The following C17orf114 variants were observed in gnomAD, a reference collection of about 807,000 sequenced individuals.
C17orf114 encodes the protein uncharacterized protein C17orf114.
chr17:4,802,814 T>C (rs72833202), upstream of C17orf114, among the ~76,000 whole-genome samples: 15,637 of 152,284 alleles, frequency 0.1, 977 homozygotes, highest in Non-Finnish European at 0.14. Context: ...AATGGTCTGA[T>C]AGTTCCTGTC....
intron 1 of C17orf114, among the ~76,000 whole-genome samples, 160 bp downstream of exon 1, chr17:4,802,087 A>G (rs1905527279): frequency 6.6e-6 from 1 of 152,128 alleles, no homozygotes; most frequent in East Asian, 1.9e-4. Context: ...GGGCCCTACA[A>G]AGTATTTAGC....
upstream of C17orf114, among the ~76,000 whole-genome samples, chr17:4,804,689 C>G (rs1905598337): frequency 6.6e-6 from 1 of 151,046 alleles, no homozygotes; most frequent in African/African-American, 2.4e-5. Context: ...ATTTCTGACT[C>G]CCTGGTTCAA....
At chr17:4,803,293 C>T (rs1226749684), upstream of C17orf114, among the ~76,000 whole-genome samples, 1 of 151,630 alleles carries the variant, frequency 6.6e-6, no homozygotes, top group Non-Finnish European at 1.5e-5. Flanking sequence ...AAAAAGCAGG[C>T]ACTGAGAGGT....
upstream of C17orf114, chr17:4,806,782 G>C (rs1320971807): frequency 6.6e-6 from 1 of 151,184 alleles, no homozygotes; most frequent in South Asian, 2.1e-4. Context: ...CGTCCCCCGG[G>C]CGCCGAGGCA....
upstream of C17orf114, among the ~76,000 whole-genome samples, chr17:4,805,413 ACT>A (rs1236659119): frequency 6.8e-6 from 1 of 146,118 alleles, no homozygotes; most frequent in East Asian, 2.0e-4. Context: ...TAACAGCGAA[ACT>A]CTGTCTCAAA....
At chr17:4,804,286 C>G (rs1469741488), upstream of C17orf114, among the ~76,000 whole-genome samples, 3 of 150,642 alleles carry the variant, frequency 2.0e-5, no homozygotes, top group Non-Finnish European at 3.0e-5. Flanking sequence ...CTCACTGCAA[C>G]CTCCGCCTCC....
exon 2 of C17orf114, chr17:4,801,428 G>A: frequency 2.5e-6 from 1 of 398,840 alleles, no homozygotes; most frequent in Non-Finnish European, 4.4e-6. Context: ...AGCTGGACTG[G>A]GATCTGGAGG....
chr17:4,802,268 G>A (rs886536428), exon 1 of C17orf114: 19 of 399,682 alleles, frequency 4.8e-5, no homozygotes, highest in African/African-American at 3.3e-4. Flanking sequence ...TCAGTCCCCC[G>A]CTGCCTCCGG....
At chr17:4,803,416 ATTTTTTTTTT>A (rs34116712), upstream of C17orf114, among the ~76,000 whole-genome samples, 312 of 75,474 alleles carry the variant, frequency 4.1e-3, no homozygotes, top group Middle Eastern at 0.038. Context: ...GTTTTTTTTA[ATTTTTTTTTT>A]TTTTTTTTTT....
exon 2 of C17orf114, chr17:4,801,210 T>G: frequency 2.5e-6 from 1 of 398,172 alleles, no homozygotes; most frequent in Non-Finnish European, 4.4e-6. Context: ...CTTGGGGAGG[T>G]GGACATTAGG....
At chr17:4,806,964 G>GCAGGGCA (rs1489789980), upstream of C17orf114, 1 of 150,320 alleles carries the variant, frequency 6.7e-6, no homozygotes, top group East Asian at 1.9e-4. Flanking sequence ...CCGCGGCCCT[G>GCAGGGCA]CAGGGCACAG....
At chr17:4,802,491 G>T (rs1242867473), upstream of C17orf114, among the ~76,000 whole-genome samples, 1 of 152,184 alleles carries the variant, frequency 6.6e-6, no homozygotes, top group Admixed American at 6.5e-5. Context: ...AAGGGGTGGG[G>T]GTACACTCCC....
chr17:4,803,869 C>T (rs900988290), upstream of C17orf114, among the ~76,000 whole-genome samples: 4 of 151,886 alleles, frequency 2.6e-5, no homozygotes, highest in Admixed American at 6.6e-5. Context: ...TTACAGGCAC[C>T]CGCCACCATC....
rs928228989 is a variant in C17orf114 at position 4,801,788 on chromosome 17, T to A, written c.74-333A>T. Among the ~76,000 whole-genome samples, 24 of 151,912 alleles carry A rather than the reference T, an allele frequency of 1.6e-4. 1 individual carries two copies. The South Asian group carries it at 1.7e-3, about 11-fold the overall frequency. ...CTCTGTTGCCCAGGCTGGAGTACAA[T>A]GGCACTATTTCGGCTCACTGCAACC... On this transcript the variant is annotated intron_variant, in intron 1 of 1. Coordinates refer to ENST00000635921, the Ensembl canonical transcript of C17orf114.
intron 1 of C17orf114, 125 bp downstream of exon 1, chr17:4,802,122 C>T (rs1905528169): frequency 5.0e-6 from 2 of 396,350 alleles, no homozygotes; most frequent in Non-Finnish European, 8.9e-6. Flanking sequence ...CTTCGGTGAT[C>T]CATCTCCCAC....
upstream of C17orf114, among the ~76,000 whole-genome samples, chr17:4,804,724 G>A (rs1208288647): frequency 3.3e-5 from 5 of 150,234 alleles, no homozygotes; most frequent in African/African-American, 4.9e-5. Context: ...TCAGCCTCCC[G>A]AGTAGTACGC....
chr17:4,805,902 G>C (rs994663955), upstream of C17orf114, among the ~76,000 whole-genome samples: 1 of 151,914 alleles, frequency 6.6e-6, no homozygotes, highest in African/African-American at 2.4e-5. Flanking sequence ...GCAGTGAGCC[G>C]AGATCGCGCC....
At chr17:4,803,242 C>T (rs564954668), upstream of C17orf114, among the ~76,000 whole-genome samples, 1 of 150,868 alleles carries the variant, frequency 6.6e-6, no homozygotes, top group East Asian at 2.0e-4. Context: ...GAGGTAAGTC[C>T]CTCACTGGTT....
upstream of C17orf114, among the ~76,000 whole-genome samples, chr17:4,806,225 T>G (rs967111576): frequency 6.6e-6 from 1 of 152,196 alleles, no homozygotes; most frequent in African/African-American, 2.4e-5. Context: ...CATACACTGA[T>G]TTTGGAAATC....
Sources: gnomAD v4.1 joint callset for allele counts (sites outside exome capture counted in the v4.1 genomes callset) on GRCh38, gnomAD v4.1.1 for gene constraint, MANE v1.5 for transcripts, NCBI Gene and HGNC (gene_info 2026-07-23, HGNC 2026-07-21) for gene names.